The following FRMD6 variants were observed in gnomAD, a reference collection of about 807,000 sequenced individuals.
FRMD6 encodes FERM domain containing 6.
Under a neutral mutation model 73.2 loss-of-function variants are expected in FRMD6, and 37 were observed. That is an observed-to-expected ratio of 0.51 (90% CI 0.39 to 0.66). The LOEUF is 0.66. FRMD6 is among the 30% of genes least tolerant of loss of function. The probability of loss-of-function intolerance (pLI) is 0.00; values close to 1 mark genes in which losing one functional copy is unlikely to be tolerated. For synonymous variants in FRMD6, 273 were observed against 282.2 expected (o/e 0.97, Z 0.33); for missense variants, 714 against 780.5 (o/e 0.91, Z 1.02).
At chr14:51,698,265 C>T in intron 3 of FRMD6, 33 bp downstream of exon 3, 1 of 1,434,888 alleles carries the variant, frequency 7.0e-7, no homozygotes, top group Non-Finnish European at 9.7e-7. Context: ...ATGGATTTAG[C>T]CAACTATCCC....
chr14:51,458,784 A>G, the FRMD6 span, among the ~76,000 whole-genome samples: 1 of 152,212 alleles, frequency 6.6e-6, no homozygotes, highest in Non-Finnish European at 1.5e-5. Flanking sequence ...TTCACAAGCC[A>G]TGATGTACTC....
the FRMD6 span, among the ~76,000 whole-genome samples, chr14:51,407,380 T>G: frequency 6.6e-6 from 1 of 151,884 alleles, no homozygotes; most frequent in East Asian, 1.9e-4. Context: ...TGGAATAGTT[T>G]GTGTAATTAG....
At chr14:51,578,589 A>G (rs1455544045) in intron 2 of FRMD6, among the ~76,000 whole-genome samples, 5 of 152,210 alleles carry the variant, frequency 3.3e-5, no homozygotes, top group Non-Finnish European at 5.9e-5. Context: ...AGTTTGTGAC[A>G]TGCAGACAAG....
intron 1 of FRMD6, among the ~76,000 whole-genome samples, chr14:51,678,027 T>A (rs2140283528): frequency 6.6e-6 from 1 of 152,284 alleles, no homozygotes; most frequent in Admixed American, 6.5e-5. Flanking sequence ...AGGCTCCAAG[T>A]CACTCTATTT....
chr14:51,624,327 C>T (rs114517370), intron 2 of FRMD6, among the ~76,000 whole-genome samples: 2,043 of 152,180 alleles, frequency 0.013, 46 homozygotes, highest in African/African-American at 0.046. Flanking sequence ...AATAAAATTG[C>T]AGAGAATTTT....
At chr14:51,593,539 T>C (rs1889523176) in intron 2 of FRMD6, among the ~76,000 whole-genome samples, 1 of 152,236 alleles carries the variant, frequency 6.6e-6, no homozygotes, top group Admixed American at 6.5e-5. Flanking sequence ...AGTTGGCTGC[T>C]GCACGTATAT....
At chr14:51,699,071 A>G (rs1294467825) in intron 3 of FRMD6, among the ~76,000 whole-genome samples, 1 of 152,100 alleles carries the variant, frequency 6.6e-6, no homozygotes, top group Non-Finnish European at 1.5e-5. Flanking sequence ...TGGTCAATAC[A>G]ATAATATGTT....
intron 1 of FRMD6, among the ~76,000 whole-genome samples, chr14:51,497,034 G>A (rs1459091165): frequency 1.3e-5 from 2 of 152,086 alleles, no homozygotes; most frequent in Non-Finnish European, 2.9e-5. Context: ...TTGAAACAGG[G>A]ACATGGTAAC....
At chr14:51,611,681 A>G (rs901677900) in intron 2 of FRMD6, among the ~76,000 whole-genome samples, 1 of 152,222 alleles carries the variant, frequency 6.6e-6, no homozygotes, top group African/African-American at 2.4e-5. Context: ...GATGATGCGC[A>G]TGCTGTCAGT....
At chr14:51,597,974 A>G (rs1419724553) in intron 2 of FRMD6, among the ~76,000 whole-genome samples, 2 of 152,134 alleles carry the variant, frequency 1.3e-5, no homozygotes, top group African/African-American at 4.8e-5. Context: ...CTGCCCCCCA[A>G]CCATCCATTT....
intron 2 of FRMD6, among the ~76,000 whole-genome samples, chr14:51,571,130 T>TAAA (rs1176272925): frequency 5.3e-5 from 8 of 152,100 alleles, no homozygotes; most frequent in Non-Finnish European, 1.2e-4. Context: ...CCCCAGCACT[T>TAAA]TGGGAGGCTG....
At chr14:51,587,786 A>C (rs2139703988) in intron 2 of FRMD6, among the ~76,000 whole-genome samples, 1 of 152,330 alleles carries the variant, frequency 6.6e-6, no homozygotes. Flanking sequence ...CTTAAGTATA[A>C]AATTAAAATA....
chr14:51,549,748 G>A lies in FRMD6; in HGVS notation c.-209-20600G>A, dbSNP rs1388489300. On this transcript the variant is annotated intron_variant, in intron 1 of 14. Coordinates refer to the FRMD6 transcript ENST00000356218. Reference sequence around the variant, plus strand: ...GTAGCTGGGACTACAGGCGCCCGCCGCCTCGCCCGGCTAGTTTTTTGTATT... The same window carrying A: ...GTAGCTGGGACTACAGGCGCCCGCCACCTCGCCCGGCTAGTTTTTTGTATT... Among the ~76,000 whole-genome samples the A allele has an allele frequency of 5.3e-5, 8 of 151,756 alleles. No homozygotes were observed. In the South Asian group the frequency reaches 1.5e-3, roughly 28 times the overall value.
At chr14:51,536,931 C>T (rs1375462134) in intron 1 of FRMD6, among the ~76,000 whole-genome samples, 1 of 152,126 alleles carries the variant, frequency 6.6e-6, no homozygotes, top group Non-Finnish European at 1.5e-5. Context: ...CAGAGATATC[C>T]TGACTACCCC....
chr14:51,457,454 G>A, the FRMD6 span, among the ~76,000 whole-genome samples: 10,782 of 152,168 alleles, frequency 0.071, 478 homozygotes, highest in Middle Eastern at 0.15. Context: ...GGGAAGCTAC[G>A]AGTCCCTGTG....
At chr14:51,603,995 G>A (rs574109263) in intron 2 of FRMD6, among the ~76,000 whole-genome samples, 8 of 151,176 alleles carry the variant, frequency 5.3e-5, no homozygotes, top group Admixed American at 2.6e-4. Flanking sequence ...GAGGAGCAGA[G>A]GAAGGTGAGG....
chr14:51,449,989 A>G, the FRMD6 span, among the ~76,000 whole-genome samples: 2 of 152,350 alleles, frequency 1.3e-5, no homozygotes, highest in South Asian at 4.1e-4. Context: ...TTCCTGAACC[A>G]TTAAAATTCA....
the FRMD6 span, among the ~76,000 whole-genome samples, chr14:51,474,065 C>T: frequency 6.6e-6 from 1 of 152,176 alleles, no homozygotes; most frequent in African/African-American, 2.4e-5. Flanking sequence ...ATCTATGTCA[C>T]TTGCCCTAAG....
intron 5 of FRMD6, 151 bp from the exon 6 acceptor site, chr14:51,704,598 G>C (rs1344498455): frequency 1.6e-6 from 1 of 627,826 alleles, no homozygotes; most frequent in Non-Finnish European, 2.7e-6. Flanking sequence ...TCAGATATTA[G>C]CTACAACCGC....
Sources: allele counts gnomAD v4.1 joint callset (sites outside exome capture counted in the v4.1 genomes callset), GRCh38; gene constraint gnomAD v4.1.1; transcripts MANE v1.5; gene names NCBI Gene and HGNC (gene_info 2026-07-23, HGNC 2026-07-21).